CPXM2: variants seen among roughly 807,000 people sequenced by gnomAD.
CPXM2 encodes inactive carboxypeptidase-like protein X2.
CPXM2 carries 66 observed loss-of-function variants against 86.1 expected under a neutral mutation model. The ratio of observed to expected loss-of-function variants is 0.77; its 90% CI spans 0.63 to 0.94. The LOEUF (loss-of-function observed/expected upper bound fraction) is 0.94, where lower values mean the gene tolerates loss of function less well. Ranked by LOEUF, CPXM2 falls within the 40% of genes least tolerant of loss-of-function variation. The pLI, the probability that CPXM2 is intolerant of heterozygous loss-of-function variation, is 0.00. For synonymous variants in CPXM2, 388 were observed against 400.2 expected, an observed-to-expected ratio of 0.97 and a Z score of 0.36; for missense variants, 948 against 1,026.3, an observed-to-expected ratio of 0.92 and a Z score of 1.04.
Position 123,809,223 on chromosome 10 carries a change from A to G in CPXM2, c.654-10024T>C, listed in dbSNP as rs150699471. On this transcript the variant is annotated intron_variant, in intron 4 of 13. Coordinates refer to ENST00000241305, the MANE Select transcript of CPXM2 (RefSeq NM_198148.3). Reference sequence around the variant, plus strand: ...CGGCCCCAAAGTGCAAGAAGTAGGGATGCTGGCAATTCAGACATATGAAAG... The same window carrying G: ...CGGCCCCAAAGTGCAAGAAGTAGGGGTGCTGGCAATTCAGACATATGAAAG... Among the ~76,000 whole-genome samples, 836 of 152,282 alleles carry G rather than the reference A, an allele frequency of 5.5e-3. 8 individuals are homozygous for G. The highest frequency in any genetic ancestry group is 0.024 in the Middle Eastern group (7 of 294).
chr10:123,764,380 T>C (rs1268739543), intron 10 of CPXM2, among the ~76,000 whole-genome samples: 1 of 152,238 alleles, frequency 6.6e-6, no homozygotes, highest in Non-Finnish European at 1.5e-5. Flanking sequence ...TTGTGAATAA[T>C]TGTTAAATTT....
chr10:123,870,547 GCAGCTTCCCAGCA>G (rs1944877507), intron 2 of CPXM2, among the ~76,000 whole-genome samples: 1 of 152,318 alleles, frequency 6.6e-6, no homozygotes, highest in East Asian at 1.9e-4. Flanking sequence ...AAGTGTGAAG[GCAGCTTCCCAGCA>G]CACTGAAAAT....
At chr10:123,859,348 A>C (rs923604281) in intron 3 of CPXM2, among the ~76,000 whole-genome samples, 1 of 152,254 alleles carries the variant, frequency 6.6e-6, no homozygotes, top group African/African-American at 2.4e-5. Flanking sequence ...TGACAGTGGA[A>C]TCACACTGCA....
At chr10:123,871,856 A>G (rs1383081961) in intron 2 of CPXM2, among the ~76,000 whole-genome samples, 1 of 152,242 alleles carries the variant, frequency 6.6e-6, no homozygotes, top group Non-Finnish European at 1.5e-5. Flanking sequence ...AAGAAAAACA[A>G]ACAAACAAAC....
intron 6 of CPXM2, among the ~76,000 whole-genome samples, chr10:123,787,892 T>C (rs1163938183): frequency 6.6e-6 from 1 of 152,142 alleles, no homozygotes; most frequent in Non-Finnish European, 1.5e-5. Context: ...TCCGGGTTTG[T>C]AGCCCCCATT....
At chr10:123,788,798 A>G (rs370011244) in intron 6 of CPXM2, among the ~76,000 whole-genome samples, 2 of 151,868 alleles carry the variant, frequency 1.3e-5, no homozygotes, top group Admixed American at 1.3e-4. Context: ...GGGCTTGCAC[A>G]GCATTATGAA....
chr10:123,923,494 T>G (rs1472552573), intron 2 of CPXM2, among the ~76,000 whole-genome samples: 3 of 147,656 alleles, frequency 2.0e-5, no homozygotes, highest in South Asian at 2.2e-4. Context: ...GGCAGGAGAA[T>G]GGCGTGAACC....
At chr10:123,821,409 C>G (rs1279561752) in intron 4 of CPXM2, among the ~76,000 whole-genome samples, 1 of 152,140 alleles carries the variant, frequency 6.6e-6, no homozygotes, top group Non-Finnish European at 1.5e-5. Flanking sequence ...TATGTTTTAC[C>G]CTAGTAAGCC....
chr10:123,846,053 C>A, intron 3 of CPXM2, among the ~76,000 whole-genome samples: 1 of 152,174 alleles, frequency 6.6e-6, no homozygotes, highest in Non-Finnish European at 1.5e-5. Context: ...TTTTCATACA[C>A]CATTTCCATG....
intron 7 of CPXM2, among the ~76,000 whole-genome samples, chr10:123,772,276 T>TCCATTGCTATAGCTATCGCTACCCTG (rs1846657611): frequency 6.1e-4 from 2 of 3,274 alleles, no homozygotes; most frequent in East Asian, 0.015. Flanking sequence ...TCACCTTCAC[T>TCCATTGCTATAGCTATCGCTACCCTG]GTTGTGGTTC....
At chr10:123,940,565 G>A (rs1249319438), upstream of CPXM2, among the ~76,000 whole-genome samples, 2 of 152,174 alleles carry the variant, frequency 1.3e-5, no homozygotes, top group Admixed American at 6.5e-5. Flanking sequence ...GGCTCTCAGT[G>A]AGCAGGCTTA....
chr10:123,791,733 G>A (rs1412552618), intron 6 of CPXM2, among the ~76,000 whole-genome samples: 1 of 152,202 alleles, frequency 6.6e-6, no homozygotes, highest in Non-Finnish European at 1.5e-5. Context: ...GTTGTAGGGG[G>A]ACCTCCTCTT....
rs1846218656 is a variant in CPXM2, at chr10:123,756,601, T to G, written c.1917+612A>C. On this transcript the variant is annotated intron_variant, in intron 12 of 13. Coordinates refer to ENST00000241305, the MANE Select transcript of CPXM2 (RefSeq NM_198148.3). ...CCCCACCCCGACCCCCATATTCATA[T>G]GTTGAAGCCCTAACCCCAGTATCTC... Among the ~76,000 whole-genome samples the G allele has an allele frequency of 2.1e-5, 3 of 144,250 alleles. No homozygotes were observed. In the South Asian group the frequency reaches 7.2e-4, roughly 35 times the overall value. The allele number at this position is 144,250 out of a possible 152,430, so 94.6% of individuals were successfully genotyped here. A position where few individuals can be genotyped will look rare whatever the true frequency, so the allele number is the denominator to read the frequency against.
At chr10:123,896,300 A>T (rs1468847880), upstream of CPXM2, among the ~76,000 whole-genome samples, 8 of 152,238 alleles carry the variant, frequency 5.3e-5, no homozygotes, top group Non-Finnish European at 1.0e-4. Context: ...AGAAAAATAC[A>T]TACTCAGGCA....
rs1299654443 is a variant in CPXM2, at chr10:123,865,131, G to T, written c.404-2408C>A. On this transcript the variant is annotated intron_variant, in intron 2 of 13. Transcript: ENST00000241305. The surrounding 1 kb of genome is among the most constrained non-coding windows in gnomAD (Gnocchi z 4.7). ...CCACAGCACAGATGATGACTTTGGT[G>T]GGGGAGCCCAGATAAACACACACGA... Among the ~76,000 whole-genome samples, 3 of 152,184 alleles carry T rather than the reference G, an allele frequency of 2.0e-5. No homozygotes were observed. Among genetic ancestry groups the T allele is most frequent in the Non-Finnish European group, 4.4e-5 (3 of 68,018 alleles).
At chr10:123,872,173 T>A (rs550601350) in intron 2 of CPXM2, among the ~76,000 whole-genome samples, 1 of 152,322 alleles carries the variant, frequency 6.6e-6, no homozygotes, top group African/African-American at 2.4e-5. Context: ...GATCCAGCAA[T>A]TCTTATAGGT....
intron 2 of CPXM2, among the ~76,000 whole-genome samples, chr10:123,866,939 G>A (rs1479433849): frequency 3.3e-5 from 5 of 151,866 alleles, no homozygotes; most frequent in African/African-American, 1.2e-4. Flanking sequence ...TCCATCCCAC[G>A]TCTGCCTCAC....
At chr10:123,795,616 C>T (rs377407261) in intron 6 of CPXM2, among the ~76,000 whole-genome samples, 2 of 152,106 alleles carry the variant, frequency 1.3e-5, no homozygotes, top group African/African-American at 4.8e-5. Flanking sequence ...GGCCCCTGAG[C>T]TGCCCCATCC....
intron 3 of CPXM2, among the ~76,000 whole-genome samples, chr10:123,854,318 G>A (rs1848660379): frequency 7.3e-6 from 1 of 137,564 alleles, no homozygotes. Context: ...GAGAGGCAGG[G>A]GTGGCCCAAG....
Sources: allele counts gnomAD v4.1 joint callset (sites outside exome capture counted in the v4.1 genomes callset), GRCh38; gene constraint gnomAD v4.1.1; non-coding constraint Gnocchi (gnomAD v3.1); transcripts MANE v1.5; gene names NCBI Gene and HGNC (gene_info 2026-07-23, HGNC 2026-07-21).